Variants in NAV1 observed in about 807,000 individuals in gnomAD.
NAV1 encodes the protein neuron navigator 1, also known as pore membrane and/or filament interacting like protein 3.
Under a neutral mutation model 175.2 loss-of-function variants are expected in NAV1, and 18 were observed. The observed-to-expected ratio is 0.10, with a 90% confidence interval of 0.07 to 0.15. The LOEUF (loss-of-function observed/expected upper bound fraction) is 0.15. NAV1 is among the 10% of genes least tolerant of loss of function. The pLI is 1.00. For missense variants in NAV1, 1,731 were observed against 2,436.6 expected, an observed-to-expected ratio of 0.71 and a Z score of 6.10; for synonymous variants, 897 against 978.7, an observed-to-expected ratio of 0.92 and a Z score of 1.56.
chr1:201,608,537 G>C (rs1667756785), intron 2 of NAV1, among the ~76,000 whole-genome samples: 1 of 152,220 alleles, frequency 6.6e-6, no homozygotes, highest in Admixed American at 6.5e-5. Flanking sequence ...GCAGAACGGA[G>C]GCAGTTGCTC....
At chr1:201,753,675 G>A (rs977158327) in intron 3 of NAV1, among the ~76,000 whole-genome samples, 9 of 152,260 alleles carry the variant, frequency 5.9e-5, no homozygotes, top group Admixed American at 5.2e-4. Context: ...ATCATGAGAG[G>A]TCAAACGATT....
At chr1:201,707,227 G>A (rs958661906) in intron 1 of NAV1, among the ~76,000 whole-genome samples, 3 of 152,160 alleles carry the variant, frequency 2.0e-5, no homozygotes, top group Admixed American at 1.3e-4. Flanking sequence ...CCCTCCAGGG[G>A]TGTGCACCAC....
At chr1:201,786,163 A>G (rs1040471450) in intron 8 of NAV1, among the ~76,000 whole-genome samples, 4 of 152,118 alleles carry the variant, frequency 2.6e-5, no homozygotes, top group African/African-American at 9.7e-5. Flanking sequence ...GAGAAGTTCT[A>G]ATGCCTCCTC....
intron 1 of NAV1, among the ~76,000 whole-genome samples, chr1:201,692,688 C>T (rs879159985): frequency 7.2e-5 from 11 of 152,292 alleles, no homozygotes; most frequent in Middle Eastern, 6.8e-3. Context: ...ACTGGGAACA[C>T]GGCATGGAAC....
intron 1 of NAV1, among the ~76,000 whole-genome samples, chr1:201,675,462 A>G (rs1299812208): frequency 6.6e-6 from 1 of 152,172 alleles, no homozygotes; most frequent in Non-Finnish European, 1.5e-5. Context: ...TGGTAGAGAG[A>G]TAAAAGTCCC....
chr1:201,811,108 C>A (rs113528079), intron 24 of NAV1, among the ~76,000 whole-genome samples: 2 of 152,192 alleles, frequency 1.3e-5, no homozygotes, highest in Non-Finnish European at 2.9e-5. Context: ...CCACTGTCTG[C>A]CAACCCTGTC....
chr1:201,718,521 C>T lies in NAV1; in HGVS notation c.992C>T (p.Pro331Leu). Residue 331 changes from proline to leucine, a missense_variant, in exon 3 of 30, where the codon CCC becomes CTC. Coordinates refer to ENST00000367296, the Ensembl canonical transcript of NAV1. The surrounding 1 kb of genome is among the most constrained non-coding windows in gnomAD (Gnocchi z 4.8). ...CCGCGGCTGCAGGCTGGTGACGCGC[C>T]CTCTGTGGGTGGGAGCTGCCGCTCG... The T allele has an allele frequency of 1.2e-6, 2 of 1,611,278 alleles. No homozygotes were observed. The highest frequency in any genetic ancestry group is 1.7e-6 in the Non-Finnish European group (2 of 1,178,308).
intron 2 of NAV1, among the ~76,000 whole-genome samples, chr1:201,614,499 CT>C (rs1244609200): frequency 2.0e-5 from 3 of 152,232 alleles, no homozygotes; most frequent in East Asian, 3.9e-4. Context: ...GCTCGCCTTC[CT>C]TTCCCCTCGC....
intron 29 of NAV1, among the ~76,000 whole-genome samples, chr1:201,817,956 AGT>A (rs1679164197): frequency 6.6e-6 from 1 of 152,116 alleles, no homozygotes; most frequent in African/African-American, 2.4e-5. Context: ...AGCTGGGCAC[AGT>A]GGCTCACACC....
chr1:201,618,226 C>T (rs1668060178), upstream of NAV1, among the ~76,000 whole-genome samples: 1 of 152,166 alleles, frequency 6.6e-6, no homozygotes, highest in Non-Finnish European at 1.5e-5. Flanking sequence ...GTGCCACTTG[C>T]CACCAACTAG....
At chr1:201,753,195 C>A (rs1344071444) in intron 3 of NAV1, among the ~76,000 whole-genome samples, 1 of 152,094 alleles carries the variant, frequency 6.6e-6, no homozygotes, top group African/African-American at 2.4e-5. Flanking sequence ...AAAACTATCA[C>A]GTAAATGCTT....
chr1:201,762,064 G>A lies in NAV1; in HGVS notation c.1227-18357G>A, dbSNP rs968137499. ...AGTCCCACCTACTCAGGAAGCTGAG[G>A]TGCGAGGATCCCTTGAGCTCTGGAG... On this transcript the variant is annotated intron_variant, in intron 3 of 29. Coordinates refer to ENST00000367296, the Ensembl canonical transcript of NAV1. 5.3e-5 allele frequency among the ~76,000 whole-genome samples: 8 copies of A among 152,214 alleles called. No individual in the cohort carries two copies. In the South Asian group the frequency reaches 1.0e-3, roughly 20 times the overall value.
intron 3 of NAV1, among the ~76,000 whole-genome samples, chr1:201,738,996 C>G (rs920035076): frequency 1.3e-5 from 2 of 152,186 alleles, no homozygotes; most frequent in Non-Finnish European, 2.9e-5. Flanking sequence ...GGGCAGCAGG[C>G]TAATTCCCCC....
chr1:201,564,688 G>C lies in NAV1; in HGVS notation c.-143-23851G>C, dbSNP rs1288494218. Among the ~76,000 whole-genome samples, 3 of 152,350 alleles carry C rather than the reference G, an allele frequency of 2.0e-5. No individual in the cohort carries two copies. The East Asian group carries it at 5.8e-4, about 29-fold the overall frequency. ...GCTGTAACAAATGACCACAAGCTTA[G>C]TGTCTTAACACAGATTTATCTTACA... is the stretch of plus-strand genomic sequence containing the variant. On this transcript the variant is annotated intron_variant, in intron 1 of 33. Coordinates refer to the NAV1 transcript ENST00000685211.
At position 201,539,720 on chromosome 1, in the gene NAV1, A is replaced by T. The variant is rs1286040759; in HGVS notation, c.-144+378A>T. Among the ~76,000 whole-genome samples the T allele has an allele frequency of 6.6e-6, 1 of 152,056 alleles. No homozygotes were observed. On this transcript the variant is annotated intron_variant, in intron 1 of 33. Transcript: ENST00000685211. This position sits in a 1 kb window ranked among gnomAD's most constrained non-coding sequence, Gnocchi z 5.6. ...ATGAGACACCAGGTGCTGCGTTCTT[A>T]TACTCGCACCCACACGGCAAGCACA...
chr1:201,687,205 G>A (rs754316040), intron 1 of NAV1, among the ~76,000 whole-genome samples: 2 of 152,192 alleles, frequency 1.3e-5, no homozygotes, highest in Non-Finnish European at 2.9e-5. Flanking sequence ...TTCACTGATT[G>A]CATCTAGGCA....
Position 201,592,771 on chromosome 1 carries a change from C to A in NAV1, c.-33+4122C>A, listed in dbSNP as rs998166122. Among the ~76,000 whole-genome samples, 18 of 152,144 alleles carry A rather than the reference C, an allele frequency of 1.2e-4. No homozygotes were observed. In the East Asian group the frequency reaches 3.5e-3, roughly 29 times the overall value. On this transcript the variant is annotated intron_variant, in intron 2 of 33. Transcript: ENST00000685211. ...GGGTCCAGGTGGCAAGATGATAGCA[C>A]CTTGCAGAAAGGGGTGGAGGGCCTC...
At chr1:201,674,781 AAT>A (rs1199816741) in intron 1 of NAV1, among the ~76,000 whole-genome samples, 1 of 152,110 alleles carries the variant, frequency 6.6e-6, no homozygotes, top group East Asian at 1.9e-4. Context: ...TCACACCTGT[AAT>A]CTCAGCACTC....
intron 2 of NAV1, among the ~76,000 whole-genome samples, chr1:201,603,612 G>A (rs530212847): frequency 1.3e-5 from 2 of 152,280 alleles, no homozygotes; most frequent in East Asian, 1.9e-4. Flanking sequence ...GGGCATCCAG[G>A]TATCACTGAA....
Sources: allele counts gnomAD v4.1 joint callset (sites outside exome capture counted in the v4.1 genomes callset), GRCh38; gene constraint gnomAD v4.1.1; non-coding constraint Gnocchi (gnomAD v3.1); transcripts MANE v1.5; gene names NCBI Gene and HGNC (gene_info 2026-07-23, HGNC 2026-07-21).